Variants in PBRM1 observed in about 807,000 individuals in gnomAD.
PBRM1 encodes the protein protein polybromo-1.
A neutral mutation model predicts 194.5 loss-of-function variants in PBRM1; 27 were observed. That is an observed-to-expected ratio of 0.14 (90% CI 0.10 to 0.19). The LOEUF is 0.19. Among genes scored for constraint, PBRM1 ranks in the 10% least tolerant of loss-of-function variants. The pLI, the probability that PBRM1 is intolerant of heterozygous loss-of-function variation, is 1.00. For missense variants in PBRM1, 1,466 were observed against 2,077.2 expected, an observed-to-expected ratio of 0.71 and a Z score of 5.72; for synonymous variants, 655 against 693.2, an observed-to-expected ratio of 0.94 and a Z score of 0.87.
intron 10 of PBRM1, among the ~76,000 whole-genome samples, chr3:52,638,968 G>A (rs1317602538): frequency 1.7e-5 from 2 of 118,368 alleles, no homozygotes; most frequent in Non-Finnish European, 3.3e-5. Flanking sequence ...TTTGCATAAC[G>A]TTATTCACAT....
chr3:52,608,240 G>C (rs1415362190), intron 16 of PBRM1, among the ~76,000 whole-genome samples: 1 of 152,202 alleles, frequency 6.6e-6, no homozygotes, highest in Non-Finnish European at 1.5e-5. Context: ...CTCAGGAGTA[G>C]CCCTCTGCAG....
At chr3:52,680,131 G>T (rs544044588), upstream of PBRM1, among the ~76,000 whole-genome samples, 9 of 152,152 alleles carry the variant, frequency 5.9e-5, no homozygotes, top group East Asian at 1.7e-3. Flanking sequence ...ATCCACCTCT[G>T]GAGTCAGCAC....
chr3:52,635,173 A>C (rs1461230181), intron 10 of PBRM1, among the ~76,000 whole-genome samples: 1 of 152,108 alleles, frequency 6.6e-6, no homozygotes. Context: ...GCAATCTGCC[A>C]GCCTCAGCCT....
At chr3:52,570,867 AG>A (rs1203110355) in intron 22 of PBRM1, among the ~76,000 whole-genome samples, 1 of 149,324 alleles carries the variant, frequency 6.7e-6, no homozygotes, top group African/African-American at 2.5e-5. Context: ...ATGCGTGTGC[AG>A]GTGCCCTACA....
At chr3:52,684,167 CAAAAAAAAAAAAAAA>C (rs66702174), upstream of PBRM1, among the ~76,000 whole-genome samples, 3 of 75,710 alleles carry the variant, frequency 4.0e-5, no homozygotes, top group African/African-American at 1.7e-4. Flanking sequence ...GACCTTGTCT[CAAAAAAAAAAAAAAA>C]AAAAAAAAAA....
intron 17 of PBRM1, among the ~76,000 whole-genome samples, chr3:52,597,306 T>G (rs2093643625): frequency 6.6e-6 from 1 of 151,954 alleles, no homozygotes; most frequent in Non-Finnish European, 1.5e-5. Context: ...GTGTAGATAG[T>G]TGTTAAATTT....
At chr3:52,562,801 A>G (rs1350204593) in intron 24 of PBRM1, among the ~76,000 whole-genome samples, 3 of 152,140 alleles carry the variant, frequency 2.0e-5, no homozygotes, top group Non-Finnish European at 4.4e-5. Flanking sequence ...TTGGCCTCCC[A>G]AAGTGCTGGG....
chr3:52,584,450 C>CTTTTTTTTGTT (rs2092009798), intron 20 of PBRM1, among the ~76,000 whole-genome samples: 1 of 60,750 alleles, frequency 1.6e-5, no homozygotes, highest in Admixed American at 2.7e-4. Flanking sequence ...AGTATTCTTG[C>CTTTTTTTTGTT]TTTTTTTTTT....
chr3:52,586,180 C>T (rs1032546612), intron 20 of PBRM1: 9 of 308,524 alleles, frequency 2.9e-5, no homozygotes, highest in East Asian at 1.2e-4. Context: ...GTGATCTGCC[C>T]GCCTTGGCCT....
intron 16 of PBRM1, among the ~76,000 whole-genome samples, chr3:52,604,254 T>C (rs1160298013): frequency 6.6e-6 from 1 of 152,276 alleles, no homozygotes; most frequent in East Asian, 1.9e-4. Flanking sequence ...GAAAGTATTC[T>C]ATAATGGTTA....
intron 20 of PBRM1, among the ~76,000 whole-genome samples, chr3:52,584,373 A>C (rs2091981531): frequency 6.6e-6 from 1 of 151,320 alleles, no homozygotes; most frequent in Non-Finnish European, 1.5e-5. Flanking sequence ...TGGATTTTGA[A>C]ATTTCTATTT....
intron 13 of PBRM1, among the ~76,000 whole-genome samples, chr3:52,618,073 C>G (rs772637183): frequency 6.6e-6 from 1 of 152,214 alleles, no homozygotes; most frequent in Non-Finnish European, 1.5e-5. Flanking sequence ...AGTGTCTTTA[C>G]AGTGGGTATG....
At chr3:52,640,966 A>C (rs530834077) in intron 10 of PBRM1, among the ~76,000 whole-genome samples, 1 of 152,178 alleles carries the variant, frequency 6.6e-6, no homozygotes, top group Non-Finnish European at 1.5e-5. Context: ...TCAGTAAAAA[A>C]CAATGCTAAC....
At chr3:52,585,797 T>C (rs556950975) in intron 20 of PBRM1, 1 of 152,268 alleles carries the variant, frequency 6.6e-6, no homozygotes, top group African/African-American at 2.4e-5. Flanking sequence ...AGTGCTGGGA[T>C]TACAGGTGTG....
rs536531391 is a variant in PBRM1, at chr3:52,618,752, G to A, written c.1542-1214C>T. The stretch of plus-strand genomic sequence containing the variant: ...TGGGATTACAGGCGCCTGCCACGAC[G>A]CCCTGCTTTTTTTTTTGAGATGGAG... On this transcript the variant is annotated intron_variant, in intron 13 of 29. Transcript: ENST00000296302. Among the ~76,000 whole-genome samples the A allele has an allele frequency of 2.9e-4, 44 of 149,928 alleles. 1 individual carries two copies. Among genetic ancestry groups the A allele is most frequent in the Middle Eastern group, 6.9e-3 (2 of 288 alleles).
chr3:52,603,769 C>T, intron 16 of PBRM1, 37 bp from the exon 19 acceptor site: 2 of 1,563,170 alleles, frequency 1.3e-6, no homozygotes, highest in Non-Finnish European at 8.7e-7. Context: ...GACATACAAG[C>T]TGTTTCTTTT....
chr3:52,650,377 A>C (rs1383620125), intron 6 of PBRM1, among the ~76,000 whole-genome samples: 1 of 136,274 alleles, frequency 7.3e-6, no homozygotes, highest in Non-Finnish European at 1.6e-5. Context: ...AAAAAAAAAA[A>C]AAAACCCTAA....
intron 1 of PBRM1, chr3:52,685,454 A>G (rs1168579874): frequency 6.6e-6 from 1 of 152,120 alleles, no homozygotes; most frequent in Non-Finnish European, 1.5e-5. Flanking sequence ...GGTATTGGGG[A>G]CTGAGGGAAA....
chr3:52,643,219 AC>A, intron 9 of PBRM1, 28 bp downstream of exon 10: 2 of 1,453,056 alleles, frequency 1.4e-6, no homozygotes, highest in Non-Finnish European at 1.9e-6. Context: ...GCACAGGTCA[AC>A]TCTCAGACTA....
Sources: gnomAD v4.1 joint callset for allele counts (sites outside exome capture counted in the v4.1 genomes callset) on GRCh38, gnomAD v4.1.1 for gene constraint, MANE v1.5 for transcripts, NCBI Gene and HGNC (gene_info 2026-07-23, HGNC 2026-07-21) for gene names.